ERC2: variants seen among roughly 807,000 people sequenced by gnomAD.
ERC2 encodes ELKS/RAB6-interacting/CAST family member 2, also known as ERC protein 2.
In ERC2, 42 loss-of-function variants were observed where a neutral mutation model predicts 114.8. The observed-to-expected ratio is 0.37, with a 90% confidence interval of 0.29 to 0.47. ERC2 has a LOEUF of 0.47. Ranked by LOEUF, ERC2 falls within the 20% of genes least tolerant of loss-of-function variation. The pLI is 0.99. For missense variants in ERC2, 939 were observed against 1,150.7 expected, an observed-to-expected ratio of 0.82 and a Z score of 2.66; for synonymous variants, 454 against 425.5, an observed-to-expected ratio of 1.07 and a Z score of -0.82.
chr3:56,280,776 C>A (rs2054289093), intron 3 of ERC2, among the ~76,000 whole-genome samples: 1 of 152,164 alleles, frequency 6.6e-6, no homozygotes, highest in Admixed American at 6.5e-5. Context: ...TGAGGAGTGA[C>A]TATTTCTACA....
At chr3:55,740,597 G>C (rs549140853) in intron 14 of ERC2, among the ~76,000 whole-genome samples, 1 of 152,150 alleles carries the variant, frequency 6.6e-6, no homozygotes, top group East Asian at 1.9e-4. Context: ...TAAAACTAGA[G>C]AAATAAGAAC....
chr3:56,077,734 G>T (rs1044132142), intron 7 of ERC2, among the ~76,000 whole-genome samples: 1 of 152,076 alleles, frequency 6.6e-6, no homozygotes, highest in East Asian at 1.9e-4. Flanking sequence ...TTAAAAAAAG[G>T]CTTATTCTCT....
At position 56,191,681 on chromosome 3, in the gene ERC2, C is replaced by T. The variant is rs142888201; in HGVS notation, c.1075-18161G>A. On this transcript the variant is annotated intron_variant, in intron 3 of 17. Coordinates refer to ENST00000288221, the MANE Select transcript of ERC2 (RefSeq NM_015576.3). ...TTTCCTAGAAAGATGTTGCACATCA[C>T]CCTCCAATCTCATCCCCAGCCAGTT... Among the ~76,000 whole-genome samples the T allele has an allele frequency of 2.6e-5, 4 of 152,196 alleles. 1 individual carries two copies. In the South Asian group the frequency reaches 6.2e-4, roughly 24 times the overall value.
At chr3:56,007,978 A>G (rs2072629603) in intron 9 of ERC2, among the ~76,000 whole-genome samples, 1 of 152,188 alleles carries the variant, frequency 6.6e-6, no homozygotes. Flanking sequence ...CCAGAAACCA[A>G]CAGGCTCCAC....
chr3:56,258,247 A>G (rs945730130), intron 3 of ERC2, among the ~76,000 whole-genome samples: 1 of 142,802 alleles, frequency 7.0e-6, no homozygotes, highest in Non-Finnish European at 1.5e-5. Context: ...GCCAGATAAT[A>G]AATATTTTCA....
At chr3:55,623,410 T>A (rs1430358033) in intron 17 of ERC2, among the ~76,000 whole-genome samples, 2 of 152,250 alleles carry the variant, frequency 1.3e-5, no homozygotes, top group African/African-American at 4.8e-5. Flanking sequence ...CAAGTTTCTC[T>A]TCAAAGAATC....
At chr3:55,788,485 T>G (rs1429081091) in intron 14 of ERC2, among the ~76,000 whole-genome samples, 2 of 152,214 alleles carry the variant, frequency 1.3e-5, no homozygotes, top group Non-Finnish European at 2.9e-5. Flanking sequence ...TTGATCTTTT[T>G]GTCCTGTGAA....
intron 17 of ERC2, among the ~76,000 whole-genome samples, chr3:55,648,158 C>A (rs1460995257): frequency 2.0e-5 from 3 of 152,216 alleles, no homozygotes; most frequent in Admixed American, 1.3e-4. Flanking sequence ...TCATTCACTC[C>A]TTTTATCTTC....
At chr3:56,038,383 A>G (rs1042024417) in intron 7 of ERC2, among the ~76,000 whole-genome samples, 1 of 152,236 alleles carries the variant, frequency 6.6e-6, no homozygotes, top group Non-Finnish European at 1.5e-5. Flanking sequence ...CCACAATGAG[A>G]TACTATCTCA....
chr3:56,368,186 A>T (rs8179988), intron 2 of ERC2, among the ~76,000 whole-genome samples: 60,338 of 129,542 alleles, frequency 0.47, 13,652 homozygotes, highest in East Asian at 0.61. Flanking sequence ...TTTTTTTTTT[A>T]AAAAAAAAAA....
chr3:56,246,115 A>C (rs1179100868), intron 3 of ERC2, among the ~76,000 whole-genome samples: 1 of 131,722 alleles, frequency 7.6e-6, no homozygotes, highest in Non-Finnish European at 1.6e-5. Flanking sequence ...AAAAAAAAAA[A>C]CTCATCTTCA....
chr3:55,631,159 G>GT (rs1233483613), intron 17 of ERC2, among the ~76,000 whole-genome samples: 9 of 151,824 alleles, frequency 5.9e-5, no homozygotes, highest in South Asian at 2.1e-4. Context: ...AAGTATTTGG[G>GT]GTTTTTTTTT....
intron 3 of ERC2, among the ~76,000 whole-genome samples, chr3:56,226,017 G>A (rs538087181): frequency 3.3e-5 from 5 of 152,228 alleles, no homozygotes; most frequent in East Asian, 1.9e-4. Flanking sequence ...AAGTACTATC[G>A]CGACAGAGAT....
At chr3:55,653,119 C>T (rs1050164024) in intron 17 of ERC2, among the ~76,000 whole-genome samples, 3 of 152,100 alleles carry the variant, frequency 2.0e-5, no homozygotes, top group Admixed American at 1.3e-4. Context: ...TGAAGGAATT[C>T]ATTCAAGAAA....
chr3:56,156,056 T>G (rs1260154703), intron 4 of ERC2, among the ~76,000 whole-genome samples: 5 of 152,076 alleles, frequency 3.3e-5, no homozygotes, highest in Non-Finnish European at 7.3e-5. Context: ...GGGCAGTTAG[T>G]AATAAAACCA....
At chr3:56,382,595 CT>C (rs1048803816) in intron 2 of ERC2, among the ~76,000 whole-genome samples, 6 of 152,100 alleles carry the variant, frequency 3.9e-5, no homozygotes, top group African/African-American at 1.4e-4. Flanking sequence ...CATGCCCTCC[CT>C]TGTTGAAACA....
chr3:56,365,016 G>C (rs2059097800), intron 2 of ERC2, among the ~76,000 whole-genome samples: 1 of 152,126 alleles, frequency 6.6e-6, no homozygotes. Context: ...GGATAATAAT[G>C]TTATTTACTT....
intron 10 of ERC2, among the ~76,000 whole-genome samples, chr3:56,003,757 T>A (rs1010616419): frequency 1.2e-4 from 19 of 152,134 alleles, no homozygotes; most frequent in African/African-American, 4.6e-4. Context: ...CAACTTCTAC[T>A]GTTGTCTCCG....
rs549863233 is a variant in ERC2 at position 55,834,054 on chromosome 3, A to G, written c.2564+54335T>C. Reference sequence around the variant, plus strand: ...GTAAAGGGATCAATTCAACAAGAAGAGCTAACTATCCTAAATATATATGCA... The same window carrying G: ...GTAAAGGGATCAATTCAACAAGAAGGGCTAACTATCCTAAATATATATGCA... On this transcript the variant is annotated intron_variant, in intron 14 of 17. Coordinates refer to ENST00000288221, the MANE Select transcript of ERC2 (RefSeq NM_015576.3). Among the ~76,000 whole-genome samples, 322 of 151,896 alleles carry G rather than the reference A, an allele frequency of 2.1e-3. 3 individuals are homozygous for G. The highest frequency in any genetic ancestry group is 7.4e-3 in the African/African-American group (305 of 41,466).
Sources: allele counts gnomAD v4.1 joint callset (sites outside exome capture counted in the v4.1 genomes callset), GRCh38; gene constraint gnomAD v4.1.1; transcripts MANE v1.5; gene names NCBI Gene and HGNC (gene_info 2026-07-23, HGNC 2026-07-21).